The following FGF14 variants were observed in gnomAD, a reference collection of about 807,000 sequenced individuals.
FGF14 encodes the protein fibroblast growth factor 14.
A neutral mutation model predicts 25.5 loss-of-function variants in FGF14; 5 were observed. The observed-to-expected ratio is 0.20, with a 90% confidence interval of 0.10 to 0.41. The LOEUF (loss-of-function observed/expected upper bound fraction) is 0.41. FGF14 is among the 10% of genes least tolerant of loss of function. FGF14 has a pLI of 1.00. For synonymous variants in FGF14, 138 were observed against 118.3 expected (o/e 1.17, Z -1.08); for missense variants, 222 against 320.1 (o/e 0.69, Z 2.34).
chr13:102,074,205 G>T (rs1205783159), intron 1 of FGF14, among the ~76,000 whole-genome samples: 1 of 152,046 alleles, frequency 6.6e-6, no homozygotes, highest in Admixed American at 6.6e-5. Flanking sequence ...GTAGAGATGG[G>T]GTCTCACTAT....
intron 3 of FGF14, among the ~76,000 whole-genome samples, chr13:101,856,357 G>A (rs1241542299): frequency 6.6e-6 from 1 of 151,786 alleles, no homozygotes; most frequent in Non-Finnish European, 1.5e-5. Flanking sequence ...CCATTAAATG[G>A]GAGGTAGAGT....
chr13:101,812,254 T>G (rs1233752827), intron 3 of FGF14, among the ~76,000 whole-genome samples: 4 of 152,062 alleles, frequency 2.6e-5, no homozygotes. Context: ...ATTGATAAAT[T>G]TTAGACTTTA....
chr13:102,372,491 C>T (rs1420293650), intron 1 of FGF14, among the ~76,000 whole-genome samples: 1 of 152,056 alleles, frequency 6.6e-6, no homozygotes, highest in East Asian at 1.9e-4. Context: ...TGACGTATGC[C>T]ACTAGAAAGG....
At chr13:102,334,639 A>G (rs537124950) in intron 1 of FGF14, among the ~76,000 whole-genome samples, 3 of 152,330 alleles carry the variant, frequency 2.0e-5, no homozygotes, top group African/African-American at 7.2e-5. Context: ...GGATAAAAAA[A>G]GTGTTCGTAT....
At chr13:101,974,831 A>C (rs1003205587) in intron 1 of FGF14, among the ~76,000 whole-genome samples, 10 of 152,184 alleles carry the variant, frequency 6.6e-5, no homozygotes, top group Admixed American at 5.9e-4. Flanking sequence ...ACAGATATCC[A>C]ACAAATTCTT....
intron 1 of FGF14, among the ~76,000 whole-genome samples, chr13:102,322,332 T>C (rs1420777702): frequency 2.0e-5 from 3 of 152,170 alleles, no homozygotes; most frequent in African/African-American, 7.2e-5. Context: ...AAAATGTACC[T>C]TGGCATAGAG....
Position 101,715,081 on chromosome 13 carries a change from CAG to C in FGF14, c.*7748_*7749del, listed in dbSNP as rs1327063765. On this transcript the variant is annotated 3_prime_UTR_variant, in exon 5 of 5. Transcript: ENST00000376143. ...TTTGTTTAGCCAAGTTACGAGGAAA[CAG>C]AGACATGTATACTTCTCCTCAGCTC... is the stretch of plus-strand genomic sequence containing the variant. The C allele has an allele frequency of 1.2e-5, 2 of 163,630 alleles. No individual in the cohort carries two copies. Among genetic ancestry groups the C allele is most frequent in the South Asian group, 1.7e-4 (1 of 5,894 alleles). The allele number at this position is 163,630 out of a possible 1,614,324, so 10.1% of individuals were successfully genotyped here.
rs1020555208 is a variant in FGF14 at position 102,255,598 on chromosome 13, T to G, written c.208+145873A>C. Among the ~76,000 whole-genome samples, 3 of 152,318 alleles carry G rather than the reference T, an allele frequency of 2.0e-5. No homozygotes were observed. The South Asian group carries it at 6.2e-4, about 32-fold the overall frequency. ...CTATGATGGAAGATTTACCCTTGCT[T>G]ATAAATGAGGCAAGATTACAAAGTA... is the stretch of plus-strand genomic sequence containing the variant. On this transcript the variant is annotated intron_variant, in intron 1 of 4. Coordinates refer to the FGF14 transcript ENST00000376131.
chr13:101,932,215 G>A (rs1323070523), intron 1 of FGF14, among the ~76,000 whole-genome samples: 4 of 152,134 alleles, frequency 2.6e-5, no homozygotes, highest in African/African-American at 4.8e-5. Flanking sequence ...GGTGTATGGC[G>A]TTCTTTTCAT....
intron 1 of FGF14, among the ~76,000 whole-genome samples, chr13:102,099,986 A>C (rs1456962565): frequency 6.6e-6 from 1 of 152,142 alleles, no homozygotes; most frequent in Non-Finnish European, 1.5e-5. Context: ...CTCATGTCTT[A>C]AATTGAGGCT....
intron 1 of FGF14, among the ~76,000 whole-genome samples, chr13:102,085,608 C>T (rs1036538481): frequency 6.6e-6 from 1 of 152,130 alleles, no homozygotes; most frequent in Non-Finnish European, 1.5e-5. Flanking sequence ...AACAATAAAA[C>T]TGATTTCACT....
intron 3 of FGF14, among the ~76,000 whole-genome samples, chr13:101,848,372 C>T (rs1169751674): frequency 6.6e-6 from 1 of 151,918 alleles, no homozygotes; most frequent in Non-Finnish European, 1.5e-5. Flanking sequence ...GACTCCTACT[C>T]CAGTTGTCTT....
At chr13:101,745,375 A>G (rs2036821724) in intron 3 of FGF14, among the ~76,000 whole-genome samples, 1 of 152,044 alleles carries the variant, frequency 6.6e-6, no homozygotes, top group Admixed American at 6.6e-5. Context: ...CAAAGTACAT[A>G]CTTTACATTA....
intron 1 of FGF14, among the ~76,000 whole-genome samples, chr13:102,001,576 C>A (rs374680432): frequency 6.6e-6 from 1 of 152,092 alleles, no homozygotes; most frequent in Non-Finnish European, 1.5e-5. Flanking sequence ...ATCCCACACC[C>A]GTAAGAGTAA....
In FGF14 at chr13:101,714,282, G is replaced by A. The variant is rs972331522; in HGVS notation, c.*8549C>T. 1.6e-6 allele frequency: 1 copy of A among 622,760 alleles called. No individual in the cohort carries two copies. Among genetic ancestry groups the A allele is most frequent in the African/African-American group, 1.8e-5 (1 of 54,438 alleles). 38.6% of individuals were successfully genotyped at this position (622,760 alleles called of 1,614,324 possible). A position where few individuals can be genotyped will look rare whatever the true frequency, so the allele number is the denominator to read the frequency against. On this transcript the variant is annotated 3_prime_UTR_variant, in exon 5 of 5. Transcript: ENST00000376143. ...GGGTGACCTTTATGAATTACAGTAA[G>A]TAAAGCTCCCCTCTGAGAAACCAGC...
chr13:101,908,399 G>A (rs532631872), intron 1 of FGF14, among the ~76,000 whole-genome samples: 15 of 152,174 alleles, frequency 9.9e-5, no homozygotes, highest in African/African-American at 3.6e-4. Context: ...GTGTATTATC[G>A]ATTACTGGAT....
At chr13:102,315,885 T>C (rs1444205835) in intron 1 of FGF14, among the ~76,000 whole-genome samples, 1 of 152,184 alleles carries the variant, frequency 6.6e-6, no homozygotes, top group Non-Finnish European at 1.5e-5. Context: ...TCCCAAGATA[T>C]TTTAAAAAAA....
chr13:102,157,158 T>C (rs1471588607), intron 1 of FGF14, among the ~76,000 whole-genome samples: 5 of 152,166 alleles, frequency 3.3e-5, no homozygotes, highest in Non-Finnish European at 7.4e-5. Context: ...AAAAAACTAC[T>C]TTAAAGTTCA....
At chr13:102,107,580 C>T (rs2044986198) in intron 1 of FGF14, among the ~76,000 whole-genome samples, 1 of 152,102 alleles carries the variant, frequency 6.6e-6, no homozygotes, top group Admixed American at 6.5e-5. Flanking sequence ...TCTTACTAAT[C>T]CTTAGACACT....
Sources: allele counts gnomAD v4.1 joint callset (sites outside exome capture counted in the v4.1 genomes callset), GRCh38; gene constraint gnomAD v4.1.1; transcripts MANE v1.5; gene names NCBI Gene and HGNC (gene_info 2026-07-23, HGNC 2026-07-21).